Variants in GRAMD1B observed in about 807,000 individuals in gnomAD.
The protein encoded by GRAMD1B is protein Aster-B.
In GRAMD1B, 37 loss-of-function variants were observed where a neutral mutation model predicts 99.7. The observed-to-expected ratio is 0.37, with a 90% CI of 0.29 to 0.49. GRAMD1B has a LOEUF of 0.49. Ranked by LOEUF, GRAMD1B falls within the 20% of genes least tolerant of loss-of-function variation. The pLI is 0.98. For synonymous variants in GRAMD1B, 427 were observed against 387.6 expected, an observed-to-expected ratio of 1.10 and a Z score of -1.19; for missense variants, 888 against 1,009.2, an observed-to-expected ratio of 0.88 and a Z score of 1.63.
Position 123,559,772 on chromosome 11 carries a change from G to C in GRAMD1B, c.453-17595G>C, listed in dbSNP as rs1024032808. The C allele has an allele frequency of 1.8e-5, 14 of 766,028 alleles. No individual in the cohort carries two copies. In the African/African-American group the frequency reaches 2.6e-4, roughly 14 times the overall value. The allele number at this position is 766,028 out of a possible 1,614,324, so 47.5% of individuals were successfully genotyped here. ...AGAAGCGAGCATCCTGGAAGTCTGG[G>C]AGCAGCTACACTGAAGAGGCCCTCG... On this transcript the variant is annotated intron_variant, in intron 2 of 19. Transcript: ENST00000635736.
rs73614041 is a variant in GRAMD1B, at chr11:123,527,677, T to C, written c.452+46784T>C. Among the ~76,000 whole-genome samples the C allele has an allele frequency of 2.4e-3, 363 of 152,302 alleles. 3 individuals are homozygous for C. The highest frequency in any genetic ancestry group is 8.2e-3 in the African/African-American group (341 of 41,568). On this transcript the variant is annotated intron_variant, in intron 2 of 19. Coordinates refer to ENST00000635736, the MANE Select transcript of GRAMD1B (RefSeq NM_001387025.1). The stretch of plus-strand genomic sequence containing the variant: ...TTCCTCAGTAGAGCCATGCTCAGTC[T>C]GTAGCTGGGATGAGGCCTCCAAGAA...
Position 123,593,962 on chromosome 11 carries a change from G to A in GRAMD1B, c.685-120G>A, listed in dbSNP as rs562833336. 32 of 710,226 alleles carry A rather than the reference G, an allele frequency of 4.5e-5. No homozygotes were observed. In the African/African-American group the frequency reaches 4.5e-4, roughly 10 times the overall value. 44.0% of individuals were successfully genotyped at this position (710,226 alleles called of 1,614,324 possible). ...TCAGCCTGGCCTCCTAGGGTCTGTG[G>A]GAGGGCAGAGCCTCATCTTTGCTTT... On this transcript the variant is annotated intron_variant, in intron 4 of 19. Transcript: ENST00000635736.
chr11:123,431,205 C>G (rs944182421), intron 1 of GRAMD1B, 39 bp downstream of exon 1: 12 of 675,656 alleles, frequency 1.8e-5, no homozygotes, highest in South Asian at 1.1e-4. Context: ...CCTTCCCTCC[C>G]GTCCTCTCCA....
intron 2 of GRAMD1B, among the ~76,000 whole-genome samples, chr11:123,550,327 C>G (rs1945486856): frequency 6.6e-6 from 1 of 152,050 alleles, no homozygotes; most frequent in Admixed American, 6.5e-5. Flanking sequence ...CTTGCCTTGA[C>G]TTCTTTGGTT....
At position 123,555,295 on chromosome 11, in the gene GRAMD1B, C is replaced by T. The variant is rs180678060; in HGVS notation, c.453-22072C>T. ...TGCAATATTATACAAGCACCTTTTG[C>T]CTTGTAGATGTTTATTTATGGAAGT... On this transcript the variant is annotated intron_variant, in intron 2 of 19. Coordinates refer to ENST00000635736, the MANE Select transcript of GRAMD1B (RefSeq NM_001387025.1). Among the ~76,000 whole-genome samples, 941 of 152,154 alleles carry T rather than the reference C, an allele frequency of 6.2e-3. 9 individuals carry two copies. Among genetic ancestry groups the T allele is most frequent in the African/African-American group, 0.018 (739 of 41,514 alleles).
rs1380983554 is a variant in GRAMD1B at position 123,430,425 on chromosome 11, G to A, written c.-368G>A. On this transcript the variant is annotated 5_prime_UTR_variant, in exon 1 of 20. Transcript: ENST00000635736. The stretch of plus-strand genomic sequence containing the variant: ...CCGCCCCCTGGGGCCCCTGGCTGCC[G>A]AGTCCCGCTAAGGCAAAGACGCCAG... The A allele has an allele frequency of 4.1e-6, 1 of 244,756 alleles. No individual in the cohort carries two copies. The highest frequency in any genetic ancestry group is 9.9e-5 in the East Asian group (1 of 10,086). 15.2% of individuals were successfully genotyped at this position (244,756 alleles called of 1,614,324 possible). A position where few individuals can be genotyped will look rare whatever the true frequency, so the allele number is the denominator to read the frequency against.
intron 2 of GRAMD1B, among the ~76,000 whole-genome samples, chr11:123,530,668 A>G (rs1000807538): frequency 9.9e-5 from 15 of 152,258 alleles, no homozygotes; most frequent in Non-Finnish European, 1.9e-4. Context: ...GGCATGAGCC[A>G]TCGTGCCCAG....
intron 1 of GRAMD1B, among the ~76,000 whole-genome samples, chr11:123,445,399 A>G (rs1949592094): frequency 6.6e-6 from 1 of 152,204 alleles, no homozygotes; most frequent in African/African-American, 2.4e-5. Context: ...CGTAAAGGTC[A>G]TTCTGTACAG....
intron 2 of GRAMD1B, among the ~76,000 whole-genome samples, chr11:123,513,581 C>T (rs1941306324): frequency 1.5e-5 from 1 of 65,846 alleles, no homozygotes; most frequent in African/African-American, 7.8e-5. Flanking sequence ...TCCTTCCTTT[C>T]CTTCCTTCCT....
chr11:123,433,601 C>A (rs1459756125), intron 1 of GRAMD1B, among the ~76,000 whole-genome samples: 1 of 151,846 alleles, frequency 6.6e-6, no homozygotes, highest in Non-Finnish European at 1.5e-5. Context: ...CTTTAGTAGG[C>A]TATAATGGTG....
At chr11:123,597,852 G>T (rs1268427014) in intron 7 of GRAMD1B, 3 of 720,922 alleles carry the variant, frequency 4.2e-6, no homozygotes, top group Non-Finnish European at 7.6e-6. Flanking sequence ...AGTAGCAAAA[G>T]GTCTTTAAGA....
At chr11:123,518,649 C>T (rs1941905247) in intron 2 of GRAMD1B, among the ~76,000 whole-genome samples, 1 of 152,204 alleles carries the variant, frequency 6.6e-6, no homozygotes, top group African/African-American at 2.4e-5. Context: ...CTAGACCTCA[C>T]TAAGCCTGCG....
At position 123,492,688 on chromosome 11, in the gene GRAMD1B, T is replaced by G. The variant is rs552176114; in HGVS notation, c.452+11795T>G. On this transcript the variant is annotated intron_variant, in intron 2 of 19. Transcript: ENST00000635736. The surrounding 1 kb of genome is among the most constrained non-coding windows in gnomAD (Gnocchi z 4.2). ...GGGCAGGTTTGTGTGTTTTTGCTTT[T>G]GTTTTGGCGTAAAGAGAAACATCAC... Among the ~76,000 whole-genome samples the G allele has an allele frequency of 6.6e-6, 1 of 152,256 alleles. No homozygotes were observed. The highest frequency in any genetic ancestry group is 1.9e-4 in the East Asian group (1 of 5,182).
chr11:123,572,865 C>G (rs1054207793), intron 2 of GRAMD1B, among the ~76,000 whole-genome samples: 2 of 147,460 alleles, frequency 1.4e-5, no homozygotes, highest in Non-Finnish European at 3.0e-5. Context: ...GGCAGGGGCA[C>G]AGGTAGGCCC....
chr11:123,482,307 C>G (rs1292559750), intron 2 of GRAMD1B, among the ~76,000 whole-genome samples: 2 of 152,076 alleles, frequency 1.3e-5, no homozygotes, highest in South Asian at 4.1e-4. Context: ...CCATGTTGGT[C>G]AGGCTGGTCT....
chr11:123,397,898 A>G (rs1292422448), intron 1 of GRAMD1B, among the ~76,000 whole-genome samples: 1 of 152,232 alleles, frequency 6.6e-6, no homozygotes, highest in African/African-American at 2.4e-5. Flanking sequence ...ATTCATCTAC[A>G]TAGCTGCAAA....
Position 123,441,627 on chromosome 11 carries a change from GA to G in GRAMD1B, c.374+10470del, listed in dbSNP as rs572552054. ...TGAGACCCCCACCTCTATTATAAAA[GA>G]AAAAAAAAGAGAAAAAAATTAGCCA... On this transcript the variant is annotated intron_variant, in intron 1 of 19. Transcript: ENST00000635736. 8.1e-4 allele frequency among the ~76,000 whole-genome samples: 120 copies of G among 148,534 alleles called. 1 individual carries two copies. The Middle Eastern group carries it at 0.014, about 17-fold the overall frequency.
chr11:123,504,607 C>T (rs1940233560), intron 2 of GRAMD1B, among the ~76,000 whole-genome samples: 1 of 152,196 alleles, frequency 6.6e-6, no homozygotes. Context: ...TTGTGCCAGG[C>T]AGCTTCTCTC....
At chr11:123,593,559 C>A (rs935555487) in intron 4 of GRAMD1B, among the ~76,000 whole-genome samples, 5 of 152,062 alleles carry the variant, frequency 3.3e-5, no homozygotes, top group African/African-American at 1.2e-4. Context: ...TCTATCTCTG[C>A]GCTTATTGCA....
Sources: allele counts gnomAD v4.1 joint callset (sites outside exome capture counted in the v4.1 genomes callset), GRCh38; gene constraint gnomAD v4.1.1; non-coding constraint Gnocchi (gnomAD v3.1); transcripts MANE v1.5; gene names NCBI Gene and HGNC (gene_info 2026-07-23, HGNC 2026-07-21).